ERC2: variants seen among roughly 807,000 people sequenced by gnomAD.
ERC2 encodes the protein ELKS/RAB6-interacting/CAST family member 2, also known as ERC protein 2.
In ERC2, 42 loss-of-function variants were observed where a neutral mutation model predicts 114.8. The ratio of observed to expected loss-of-function variants is 0.37; its 90% CI spans 0.29 to 0.47. The LOEUF is 0.47. Ranked by LOEUF, ERC2 falls within the 20% of genes least tolerant of loss-of-function variation. The pLI is 0.99. For synonymous variants in ERC2, 454 were observed against 425.5 expected (o/e 1.07, Z -0.82); for missense variants, 939 against 1,150.7 (o/e 0.82, Z 2.66).
chr3:55,996,838 C>G (rs987359583), intron 10 of ERC2, among the ~76,000 whole-genome samples: 2 of 152,162 alleles, frequency 1.3e-5, no homozygotes, highest in African/African-American at 4.8e-5. Context: ...GAATTTATAA[C>G]TACTTCAGGA....
intron 17 of ERC2, among the ~76,000 whole-genome samples, chr3:55,564,571 T>C (rs2056242570): frequency 6.6e-6 from 1 of 152,222 alleles, no homozygotes; most frequent in African/African-American, 2.4e-5. Context: ...ACACCGTCCT[T>C]CTTAGTTATA....
chr3:56,037,834 G>A (rs1305051730), intron 7 of ERC2, among the ~76,000 whole-genome samples: 1 of 152,128 alleles, frequency 6.6e-6, no homozygotes, highest in East Asian at 1.9e-4. Context: ...GGGAAGCCCA[G>A]CAGACTGACA....
chr3:56,423,437 C>A (rs2061456208), intron 2 of ERC2, among the ~76,000 whole-genome samples: 1 of 152,200 alleles, frequency 6.6e-6, no homozygotes, highest in South Asian at 2.1e-4. Context: ...AGCTACCATC[C>A]CCCAAGTTGT....
intron 3 of ERC2, among the ~76,000 whole-genome samples, chr3:56,244,598 G>A (rs2051554123): frequency 6.6e-6 from 1 of 151,774 alleles, no homozygotes; most frequent in African/African-American, 2.4e-5. Context: ...TTGTGTTTTA[G>A]TTTTTAACAA....
At chr3:56,206,360 C>T (rs1038506411) in intron 3 of ERC2, among the ~76,000 whole-genome samples, 3 of 152,112 alleles carry the variant, frequency 2.0e-5, no homozygotes, top group Non-Finnish European at 4.4e-5. Context: ...ATGATGAAGA[C>T]ACCTTTCCAA....
At chr3:56,316,960 A>C (rs1307395788) in intron 2 of ERC2, among the ~76,000 whole-genome samples, 1 of 152,178 alleles carries the variant, frequency 6.6e-6, no homozygotes, top group Non-Finnish European at 1.5e-5. Flanking sequence ...CATTCACTCA[A>C]CTCACTTTCA....
chr3:56,449,173 C>T (rs1304391107), intron 1 of ERC2, among the ~76,000 whole-genome samples: 1 of 152,058 alleles, frequency 6.6e-6, no homozygotes, highest in African/African-American at 2.4e-5. Context: ...CCTCCACAAC[C>T]CTAAGCCTAG....
chr3:56,251,021 T>C (rs1044249242), intron 3 of ERC2, among the ~76,000 whole-genome samples: 13 of 152,224 alleles, frequency 8.5e-5, no homozygotes, highest in Non-Finnish European at 1.9e-4. Flanking sequence ...ACAGGCTGCC[T>C]GGAGAGTGAG....
intron 11 of ERC2, among the ~76,000 whole-genome samples, chr3:55,988,608 G>C (rs2149518935): frequency 6.6e-6 from 1 of 152,242 alleles, no homozygotes; most frequent in East Asian, 1.9e-4. Flanking sequence ...TCCTAACCCT[G>C]TACCTTTTGT....
intron 2 of ERC2, among the ~76,000 whole-genome samples, chr3:56,405,286 A>C: frequency 6.6e-6 from 1 of 152,154 alleles, no homozygotes; most frequent in East Asian, 1.9e-4. Flanking sequence ...TCTACTAAAA[A>C]TACAAAAATT....
chr3:56,031,090 C>T (rs190615772), intron 7 of ERC2, among the ~76,000 whole-genome samples: 294 of 152,286 alleles, frequency 1.9e-3, no homozygotes, highest in Middle Eastern at 0.01. Context: ...CAGCACTAGG[C>T]TGGCCTCCAA....
chr3:56,314,081 A>C (rs2150403853), intron 2 of ERC2, among the ~76,000 whole-genome samples: 1 of 152,222 alleles, frequency 6.6e-6, no homozygotes, highest in Non-Finnish European at 1.5e-5. Flanking sequence ...GAAAGTTTTA[A>C]AGATTTGATT....
At chr3:55,949,205 T>C (rs2067323663) in intron 13 of ERC2, among the ~76,000 whole-genome samples, 1 of 151,788 alleles carries the variant, frequency 6.6e-6, no homozygotes, top group African/African-American at 2.4e-5. Flanking sequence ...CCGTCTCTAC[T>C]AAAAATACAA....
At chr3:56,091,340 T>C (rs2077778096) in intron 6 of ERC2, among the ~76,000 whole-genome samples, 1 of 152,110 alleles carries the variant, frequency 6.6e-6, no homozygotes, top group South Asian at 2.1e-4. Context: ...GGTTGCTAGC[T>C]GGAAAAACTC....
chr3:55,530,682 G>A (rs777496712), intron 17 of ERC2, among the ~76,000 whole-genome samples: 18 of 152,200 alleles, frequency 1.2e-4, no homozygotes, highest in East Asian at 5.8e-4. Flanking sequence ...TTCTCCATGC[G>A]TTAGGCTGGG....
chr3:56,051,318 T>C (rs1365011870), intron 7 of ERC2, among the ~76,000 whole-genome samples: 1 of 152,134 alleles, frequency 6.6e-6, no homozygotes, highest in African/African-American at 2.4e-5. Flanking sequence ...CAAACCCCTA[T>C]TTGCAGGGGA....
chr3:55,683,917 G>C, intron 16 of ERC2, 58 bp from the exon 17 acceptor site: 1 of 1,586,636 alleles, frequency 6.3e-7, no homozygotes, highest in Non-Finnish European at 8.6e-7. Flanking sequence ...CAGAATGAAA[G>C]AAGAGAAGGT....
At chr3:56,431,554 T>C (rs1193306521) in intron 2 of ERC2, among the ~76,000 whole-genome samples, 3 of 152,156 alleles carry the variant, frequency 2.0e-5, no homozygotes, top group Admixed American at 1.3e-4. Flanking sequence ...ATCTCAAATA[T>C]GTTAATCCAC....
chr3:55,651,229 T>C (rs1422804040), intron 17 of ERC2, among the ~76,000 whole-genome samples: 3 of 152,048 alleles, frequency 2.0e-5, no homozygotes, highest in South Asian at 4.2e-4. Flanking sequence ...GTGCATGTCA[T>C]TCTGCAAGTC....
Sources: gnomAD v4.1 joint callset for allele counts (sites outside exome capture counted in the v4.1 genomes callset) on GRCh38, gnomAD v4.1.1 for gene constraint, MANE v1.5 for transcripts, NCBI Gene and HGNC (gene_info 2026-07-23, HGNC 2026-07-21) for gene names.